The following COL12A1 variants were observed in gnomAD, a reference collection of about 807,000 sequenced individuals.
COL12A1 encodes collagen alpha-1(XII) chain.
In COL12A1, 114 loss-of-function variants were observed where a neutral mutation model predicts 349.7. That is an observed-to-expected ratio of 0.33 (90% CI 0.28 to 0.38). COL12A1 has a LOEUF of 0.38. Ranked by LOEUF, COL12A1 falls within the 10% of genes least tolerant of loss-of-function variation. COL12A1 has a pLI of 1.00. For synonymous variants in COL12A1, 1,369 were observed against 1,329.0 expected, an observed-to-expected ratio of 1.03 and a Z score of -0.66; for missense variants, 3,284 against 3,756.9, an observed-to-expected ratio of 0.87 and a Z score of 3.29.
At chr6:75,138,603 A>T in intron 28 of COL12A1, 23 bp from the exon 29 acceptor site, 1 of 1,610,704 alleles carries the variant, frequency 6.2e-7, no homozygotes, top group Non-Finnish European at 8.5e-7. Flanking sequence ...GGACAAAAAC[A>T]TACCCACGCA....
At chr6:75,140,473 G>A (rs926746104) in intron 27 of COL12A1, among the ~76,000 whole-genome samples, 3 of 151,956 alleles carry the variant, frequency 2.0e-5, no homozygotes, top group Non-Finnish European at 2.9e-5. Context: ...TGGCTAACAC[G>A]GTGAAACCCC....
At chr6:75,121,049 G>A (rs1368073572) in intron 44 of COL12A1, among the ~76,000 whole-genome samples, 1 of 152,158 alleles carries the variant, frequency 6.6e-6, no homozygotes, top group Non-Finnish European at 1.5e-5. Flanking sequence ...GGAAGTTAGA[G>A]TCCCTTAGAA....
intron 14 of COL12A1, among the ~76,000 whole-genome samples, chr6:75,159,929 C>A (rs1242412568): frequency 6.6e-6 from 1 of 151,838 alleles, no homozygotes. Context: ...ATATCTCATA[C>A]CTTGATATAC....
At chr6:75,168,893 A>G (rs890483070) in intron 13 of COL12A1, among the ~76,000 whole-genome samples, 1 of 152,210 alleles carries the variant, frequency 6.6e-6, no homozygotes, top group Admixed American at 6.5e-5. Flanking sequence ...GATGCTCTGT[A>G]GGACTGCTGG....
rs200751269 is a variant in COL12A1 at position 75,113,629 on chromosome 6, T to G, written c.7813A>C (p.Lys2605Gln). 182 of 1,609,842 alleles carry G rather than the reference T, an allele frequency of 1.1e-4. 2 individuals carry two copies. In the East Asian group the frequency reaches 4.0e-3, roughly 35 times the overall value. Residue 2605 changes from lysine (K) to glutamine (Q), a missense_variant, in exon 50 of 66, where the codon AAA (lysine) becomes CAA (glutamine). Around this residue, in one of 2 missense-constraint regions of COL12A1, gnomAD observed 683 missense variants for 932.1 expected, o/e 0.73. Transcript: ENST00000322507. ...AIWQITDRDY[K>Q]PQVGVIADPS... ...TCTGCAATCACTCCAACTTGTGGTT[T>G]GTAGTCTCTGTCTGTGATTTGCCAA...
chr6:75,182,950 G>A (rs184881329), intron 10 of COL12A1, 100 bp downstream of exon 10: 164 of 1,387,480 alleles, frequency 1.2e-4, no homozygotes, highest in Middle Eastern at 2.4e-4. Context: ...TTACTTTTTC[G>A]TGTCTATAAG....
Position 75,128,369 on chromosome 6 carries a change from A to T in COL12A1, c.6267T>A (p.Thr2089=). The change falls in exon 38 of 66, where the codon ACT becomes ACA. Residue 2089 remains threonine (T), a synonymous_variant. Coordinates refer to ENST00000322507, the MANE Select transcript of COL12A1 (RefSeq NM_004370.6). ...NVILQPLQPD[T]PYKITVIAVY... The stretch of plus-strand genomic sequence containing the variant: ...CAGCAATAACAGTAATTTTATATGG[A>T]GTGTCAGGTTGCAGGGGCTGCAGTA... The T allele has an allele frequency of 5.0e-6, 8 of 1,610,504 alleles. No homozygotes were observed. The Middle Eastern group carries it at 1.3e-3, about 266-fold the overall frequency.
rs1767538707 is a variant in COL12A1 at position 75,152,367 on chromosome 6, T to A, written c.3681A>T (p.Glu1227Asp). Residue 1227 changes from glutamate to aspartate, a missense_variant, in exon 18 of 66, where the codon GAA becomes GAT. Glu to Asp is a conservative substitution (Grantham distance 45, BLOSUM62 2). Coordinates refer to ENST00000322507, the MANE Select transcript of COL12A1 (RefSeq NM_004370.6). ...CTCTTTTGGGGCCAATGTCAAAGAC[T>A]TCCACAATACGAGAAATGAAACTCC... ...TVRSFISRIV[E>D]VFDIGPKRVQ... The A allele has an allele frequency of 6.2e-7, 1 of 1,613,550 alleles. No individual in the cohort carries two copies. The highest frequency in any genetic ancestry group is 8.5e-7 in the Non-Finnish European group (1 of 1,179,734).
chr6:75,161,053 G>C (rs1322299874), intron 14 of COL12A1, among the ~76,000 whole-genome samples: 1 of 152,060 alleles, frequency 6.6e-6, no homozygotes, highest in African/African-American at 2.4e-5. Context: ...CAGGGCGAAA[G>C]GGAGAACCCC....
Position 75,152,112 on chromosome 6 carries a change from T to C in COL12A1, c.3835+19A>G. The stretch of plus-strand genomic sequence containing the variant: ...ACCAGAAGCATGAGCTGAAAGACTG[T>C]CAGACAGTCCTTACTCACCTGTGAG... On this transcript the variant is annotated intron_variant, in intron 19 of 65. Coordinates refer to ENST00000322507, the MANE Select transcript of COL12A1 (RefSeq NM_004370.6). 6.2e-7 allele frequency: 1 copy of C among 1,613,824 alleles called. No individual in the cohort carries two copies. The highest frequency in any genetic ancestry group is 1.1e-5 in the South Asian group (1 of 91,076).
intron 30 of COL12A1, 99 bp downstream of exon 30, chr6:75,138,221 A>G: frequency 3.2e-6 from 4 of 1,236,662 alleles, no homozygotes; most frequent in Non-Finnish European, 4.6e-6. Flanking sequence ...TAGGATTTAA[A>G]AGCAGATGAC....
chr6:75,170,524 C>T (rs1703929553), intron 13 of COL12A1, among the ~76,000 whole-genome samples: 1 of 152,202 alleles, frequency 6.6e-6, no homozygotes, highest in South Asian at 2.1e-4. Flanking sequence ...TTCTTAAAAA[C>T]AACTTAACAA....
intron 14 of COL12A1, among the ~76,000 whole-genome samples, chr6:75,157,630 T>C (rs1767828984): frequency 6.6e-6 from 1 of 152,090 alleles, no homozygotes; most frequent in Non-Finnish European, 1.5e-5. Flanking sequence ...TGGCCTCCCT[T>C]AATTGTCAAG....
At chr6:75,091,717 CTT>C (rs1374560179) in intron 60 of COL12A1, among the ~76,000 whole-genome samples, 192 bp from the exon 61 acceptor site, 2 of 151,140 alleles carry the variant, frequency 1.3e-5, no homozygotes, top group African/African-American at 4.9e-5. Flanking sequence ...CTCTCTCTCT[CTT>C]TCTCTCTCTC....
rs77654847 is a variant in COL12A1 at position 75,142,113 on chromosome 6, A to C, written c.4876T>G (p.Ser1626Ala). 1,106 of 1,614,140 alleles carry C rather than the reference A, an allele frequency of 6.9e-4. 13 individuals are homozygous for C. The African/African-American group carries it at 0.014, about 20-fold the overall frequency. Reference protein sequence around the residue: ...ETSTSLKDLFSQTLYTVSVSA... With the variant: ...ETSTSLKDLFAQTLYTVSVSA... ...ACGCTGACTGTGTACAAGGTCTGTG[A>C]GAAGAGGTCTTTGAGGGAAGTGCTG... The change falls in exon 27 of 66, where the codon TCA becomes GCA. Residue 1626 changes from serine (S) to alanine (A), a missense_variant. By Grantham distance (99) the Ser-to-Ala change is moderately conservative. This residue lies in a region of COL12A1 where 2,601 missense variants were observed against 2,824.8 expected (regional missense o/e 0.92). Transcript: ENST00000322507.
chr6:75,132,414 G>A (rs913283479), intron 34 of COL12A1, among the ~76,000 whole-genome samples: 4 of 152,168 alleles, frequency 2.6e-5, no homozygotes, highest in African/African-American at 7.2e-5. Flanking sequence ...GTAATGGAGA[G>A]AGGAAGAAGA....
In COL12A1 at chr6:75,103,740, C is replaced by T. The variant is rs753110924; in HGVS notation, c.8319+17G>A. 1.1e-5 allele frequency: 18 copies of T among 1,608,518 alleles called. No homozygotes were observed. The African/African-American group carries it at 1.9e-4, about 17-fold the overall frequency. On this transcript the variant is annotated intron_variant, in intron 55 of 65. Coordinates refer to ENST00000322507, the MANE Select transcript of COL12A1 (RefSeq NM_004370.6). ...ACATATAGATAAGAATTTAAATGCA[C>T]TCTAAAATATACTTACAATTGCCCC...
chr6:75,140,655 CA>C (rs1236499281), intron 27 of COL12A1, among the ~76,000 whole-genome samples: 544 of 46,136 alleles, frequency 0.012, 1 homozygote, highest in Non-Finnish European at 0.018. Context: ...GACTCTGTCT[CA>C]AAAAAAAAAA....
chr6:75,105,238 T>C lies in COL12A1; in HGVS notation c.8233A>G (p.Ser2745Gly), dbSNP rs1244382961. 1.2e-6 allele frequency: 2 copies of C among 1,613,786 alleles called. No individual in the cohort carries two copies. The highest frequency in any genetic ancestry group is 3.3e-5 in the Admixed American group (2 of 59,976). Reference protein sequence around the residue: ...FPNSCTCTQDSVGPPGPPGPA... With the variant: ...FPNSCTCTQDGVGPPGPPGPA... The stretch of plus-strand genomic sequence containing the variant: ...CCTGGAGGTCCTGGAGGTCCAACGC[T>C]GTCCTGTGTACATGTGCAAGAATTT... Residue 2745 changes from serine (S) to glycine (G), a missense_variant, in exon 54 of 66, where the codon AGC (serine) becomes GGC (glycine). Ser to Gly is a moderately conservative substitution (Grantham distance 56). Coordinates refer to ENST00000322507, the MANE Select transcript of COL12A1 (RefSeq NM_004370.6).
Sources: gnomAD v4.1 joint callset for allele counts (sites outside exome capture counted in the v4.1 genomes callset) on GRCh38, gnomAD v4.1.1 for gene constraint, gnomAD v4.1.1 regional missense constraint, MANE v1.5 for transcripts, NCBI Gene and HGNC (gene_info 2026-07-23, HGNC 2026-07-21) for gene names.